Variants in BLK observed in about 807,000 individuals in gnomAD.
BLK encodes tyrosine-protein kinase Blk.
In BLK, 64 loss-of-function variants were observed where a neutral mutation model predicts 61.8. That is an observed-to-expected ratio of 1.03 (90% CI 0.85 to 1.27). The LOEUF is 1.27. Ranked by LOEUF, BLK falls within the 50% of genes most tolerant of loss-of-function variation. The pLI is 0.00. For missense variants in BLK, 853 were observed against 660.5 expected, an observed-to-expected ratio of 1.29 and a Z score of -3.19; for synonymous variants, 351 against 272.0, an observed-to-expected ratio of 1.29 and a Z score of -2.86.
At chr8:11,548,797 C>G (rs917050466) in intron 4 of BLK, among the ~76,000 whole-genome samples, 1 of 152,238 alleles carries the variant, frequency 6.6e-6, no homozygotes, top group Non-Finnish European at 1.5e-5. Flanking sequence ...TCCTTGTGCC[C>G]TCTTGGCTGG....
intron 2 of BLK, among the ~76,000 whole-genome samples, chr8:11,544,493 C>T (rs893139029): frequency 2.0e-5 from 3 of 152,250 alleles, no homozygotes; most frequent in Non-Finnish European, 2.9e-5. Context: ...CCCAGTTTAG[C>T]GCCAGTCTCA....
intron 3 of BLK, 73 bp downstream of exon 3, chr8:11,546,176 A>G (rs796310144): frequency 4.5e-6 from 7 of 1,562,434 alleles, no homozygotes. Flanking sequence ...GGAGTTGGAA[A>G]AAGGTTGAGT....
At chr8:11,507,109 A>T (rs1238671753) in intron 1 of BLK, among the ~76,000 whole-genome samples, 2 of 152,222 alleles carry the variant, frequency 1.3e-5, no homozygotes, top group Non-Finnish European at 2.9e-5. Flanking sequence ...TGAGCTTGTG[A>T]CATTGATGTT....
At position 11,543,318 on chromosome 8, in the gene BLK, G is replaced by C. The variant is rs761405498; in HGVS notation, c.94G>C (p.Asp32His). 17 of 1,613,042 alleles carry C rather than the reference G, an allele frequency of 1.1e-5. No homozygotes were observed. In the South Asian group the frequency reaches 1.3e-4, roughly 13 times the overall value. Residue 32 changes from aspartate to histidine, a missense_variant, in exon 2 of 13, where the codon GAC becomes CAC. By Grantham distance (81) the Asp-to-His change is moderately conservative. Transcript: ENST00000259089. ...QWSPLKVSAQDKDAPPLPPLV... is the reference protein window; with the variant it reads ...QWSPLKVSAQHKDAPPLPPLV... ...GAGCCCCCTGAAGGTCAGCGCCCAA[G>C]ACAAGGACGCCCCGCCACTGCCGCC...
At chr8:11,506,990 C>T (rs1309238474) in intron 1 of BLK, among the ~76,000 whole-genome samples, 1 of 152,198 alleles carries the variant, frequency 6.6e-6, no homozygotes, top group Non-Finnish European at 1.5e-5. Flanking sequence ...GCAGAACCAT[C>T]GTGAATGGTT....
At chr8:11,510,966 A>G (rs986986141) in intron 1 of BLK, among the ~76,000 whole-genome samples, 1 of 152,198 alleles carries the variant, frequency 6.6e-6, no homozygotes, top group African/African-American at 2.4e-5. Flanking sequence ...TTGGCATTTT[A>G]AAACACATGG....
rs1403703690 is a variant in BLK at position 11,564,152 on chromosome 8, G to A, written c.*44G>A. 5.2e-6 allele frequency: 8 copies of A among 1,530,332 alleles called. No individual in the cohort carries two copies. Among genetic ancestry groups the A allele is most frequent in the Non-Finnish European group, 7.0e-6 (8 of 1,142,260 alleles). 94.8% of individuals were successfully genotyped at this position (1,530,332 alleles called of 1,614,324 possible). A position where few individuals can be genotyped will look rare whatever the true frequency, so the allele number is the denominator to read the frequency against. On this transcript the variant is annotated 3_prime_UTR_variant, in exon 13 of 13. Transcript: ENST00000259089. ...GCCCCGTGCCCACCTCTGCGCGGACGACCCCGACTTCCGTGCCATCCCAGA... is the reference window on the plus strand; with the variant it reads ...GCCCCGTGCCCACCTCTGCGCGGACAACCCCGACTTCCGTGCCATCCCAGA...
At chr8:11,527,282 C>G in intron 1 of BLK, among the ~76,000 whole-genome samples, 1 of 152,124 alleles carries the variant, frequency 6.6e-6, no homozygotes, top group East Asian at 1.9e-4. Flanking sequence ...CAAAATTCAC[C>G]CATTTGGGGC....
chr8:11,527,453 C>T (rs1429442127), intron 1 of BLK, among the ~76,000 whole-genome samples: 1 of 152,078 alleles, frequency 6.6e-6, no homozygotes, highest in African/African-American at 2.4e-5. Context: ...CATAGCTTTG[C>T]CTTATCTAGA....
rs78789099 is a variant in BLK at position 11,548,343 on chromosome 8, C to A, written c.269+218C>A. Among the ~76,000 whole-genome samples the A allele has an allele frequency of 0.025, 3,735 of 152,322 alleles. 82 individuals are homozygous for A. Among genetic ancestry groups the A allele is most frequent in the African/African-American group, 0.053 (2,201 of 41,568 alleles). ...TTTCCATTCACAACCTCCTGCTCAT[C>A]CTTCAAAGTCCACGTTCCATGCCAC... On this transcript the variant is annotated intron_variant, in intron 4 of 12. Transcript: ENST00000259089.
At chr8:11,546,993 A>C (rs762909092) in intron 3 of BLK, among the ~76,000 whole-genome samples, 2 of 152,178 alleles carry the variant, frequency 1.3e-5, no homozygotes, top group African/African-American at 4.8e-5. Context: ...GCCTCCTTCA[A>C]AGTGACTTCC....
chr8:11,547,561 A>G (rs1248447427), intron 3 of BLK, among the ~76,000 whole-genome samples: 3 of 152,194 alleles, frequency 2.0e-5, no homozygotes, highest in African/African-American at 7.2e-5. Flanking sequence ...CAGACAGTGG[A>G]GAGGCCAGGG....
rs34059887 is a variant in BLK, at chr8:11,543,965, A to ATT, written c.123+632_123+633dup. Among the ~76,000 whole-genome samples the ATT allele has an allele frequency of 6.4e-3, 936 of 145,230 alleles. 5 individuals are homozygous for ATT. Among genetic ancestry groups the ATT allele is most frequent in the Non-Finnish European group, 0.011 (695 of 65,974 alleles). ...ATGGCTACAGCATGTCTGAAGATGCATTTTTTTTTTTTTTTGAGACAGAGT... is the reference window on the plus strand; with the variant it reads ...ATGGCTACAGCATGTCTGAAGATGCATTTTTTTTTTTTTTTTTGAGACAGAGT... On this transcript the variant is annotated intron_variant, in intron 2 of 12. Transcript: ENST00000259089.
At chr8:11,527,212 T>C (rs1462096061) in intron 1 of BLK, among the ~76,000 whole-genome samples, 4 of 152,154 alleles carry the variant, frequency 2.6e-5, no homozygotes. Flanking sequence ...TCCATACCCT[T>C]CAATGGCTTG....
At chr8:11,549,489 T>A (rs1166489589) in intron 5 of BLK, among the ~76,000 whole-genome samples, 1 of 152,160 alleles carries the variant, frequency 6.6e-6, no homozygotes, top group Non-Finnish European at 1.5e-5. Context: ...CCTCGGGGGC[T>A]CCCAGGAGGG....
intron 1 of BLK, among the ~76,000 whole-genome samples, chr8:11,541,085 G>A (rs1410311013): frequency 6.6e-6 from 1 of 152,086 alleles, no homozygotes. Context: ...GCATGACATG[G>A]CAAAACCCTG....
intron 1 of BLK, 148 bp from the exon 2 acceptor site, chr8:11,543,076 C>A: frequency 8.1e-7 from 1 of 1,232,692 alleles, no homozygotes; most frequent in South Asian, 1.3e-5. Flanking sequence ...CCCGCTTCTA[C>A]CCACGTTCTG....
At chr8:11,556,337 G>C (rs1039758936) in intron 8 of BLK, 1 of 409,292 alleles carries the variant, frequency 2.4e-6, no homozygotes, top group Non-Finnish European at 4.6e-6. Context: ...TTGTGTGATA[G>C]AAGAGACTCA....
rs867408722 is a variant in BLK, at chr8:11,563,169, G to A, written c.1312+59G>A. 61 of 1,610,324 alleles carry A rather than the reference G, an allele frequency of 3.8e-5. No homozygotes were observed. The African/African-American group carries it at 6.1e-4, about 16-fold the overall frequency. On this transcript the variant is annotated intron_variant, in intron 12 of 12. Transcript: ENST00000259089. ...GCTTTCCCGGCCGGCCCTGATGGCA[G>A]GTCGCCTGTGCTTGGTGCCTGTGGC... is the stretch of plus-strand genomic sequence containing the variant.
Sources: gnomAD v4.1 joint callset for allele counts (sites outside exome capture counted in the v4.1 genomes callset) on GRCh38, gnomAD v4.1.1 for gene constraint, MANE v1.5 for transcripts, NCBI Gene and HGNC (gene_info 2026-07-23, HGNC 2026-07-21) for gene names.